The following SYT10 variants were observed in gnomAD, a reference collection of about 807,000 sequenced individuals.
SYT10 encodes synaptotagmin 10.
A neutral mutation model predicts 51.1 loss-of-function variants in SYT10; 31 were observed. The ratio of observed to expected loss-of-function variants is 0.61; its 90% CI spans 0.46 to 0.82. SYT10 has a LOEUF of 0.82. SYT10 is among the 40% of genes least tolerant of loss of function. The pLI, the probability that SYT10 is intolerant of heterozygous loss-of-function variation, is 0.00. For synonymous variants in SYT10, 233 were observed against 225.9 expected (o/e 1.03, Z -0.28); for missense variants, 603 against 634.0 (o/e 0.95, Z 0.53).
intron 2 of SYT10, among the ~76,000 whole-genome samples, chr12:33,411,796 G>A (rs1182542410): frequency 6.6e-6 from 1 of 152,166 alleles, no homozygotes; most frequent in Non-Finnish European, 1.5e-5. Context: ...GGCATGACAT[G>A]AAATGTATTT....
intron 4 of SYT10, 67 bp from the exon 5 acceptor site, chr12:33,382,587 T>C (rs1866125542): frequency 7.0e-7 from 1 of 1,419,344 alleles, no homozygotes. Context: ...AAACTGCAGT[T>C]TATTTTTACT....
chr12:33,423,299 A>G (rs772778158), intron 2 of SYT10, among the ~76,000 whole-genome samples: 8 of 150,732 alleles, frequency 5.3e-5, no homozygotes, highest in Non-Finnish European at 1.0e-4. Context: ...TTAAAGTTAA[A>G]TTCAGTGTGT....
In SYT10 at chr12:33,376,711, CAA is replaced by C; in HGVS notation, c.*117_*118del. 1 of 1,112,206 alleles carries C rather than the reference CAA, an allele frequency of 9.0e-7. No individual in the cohort carries two copies. The highest frequency in any genetic ancestry group is 1.3e-6 in the Non-Finnish European group (1 of 771,974). 68.9% of individuals were successfully genotyped at this position (1,112,206 alleles called of 1,614,324 possible). A position where few individuals can be genotyped will look rare whatever the true frequency, so the allele number is the denominator to read the frequency against. On this transcript the variant is annotated 3_prime_UTR_variant, in exon 7 of 7. Coordinates refer to ENST00000228567, the MANE Select transcript of SYT10 (RefSeq NM_198992.4). ...TAAAAGCAAATAAAAAAGTGCACAT[CAA>C]GTTTGTTCATTAGTACGGATATATT...
At chr12:33,378,250 C>T (rs560854999) in intron 6 of SYT10, among the ~76,000 whole-genome samples, 43 of 152,162 alleles carry the variant, frequency 2.8e-4, no homozygotes, top group Admixed American at 9.2e-4. Flanking sequence ...TATTCAGTTA[C>T]GACAAAAAAG....
chr12:33,418,366 T>C (rs1370602030), intron 2 of SYT10, among the ~76,000 whole-genome samples: 1 of 152,160 alleles, frequency 6.6e-6, no homozygotes, highest in East Asian at 1.9e-4. Context: ...TTCTTCTTTT[T>C]CCCATCTACT....
intron 3 of SYT10, among the ~76,000 whole-genome samples, chr12:33,391,797 A>ATTATCACCT (rs1200282588): frequency 1.2e-4 from 19 of 152,176 alleles, no homozygotes; most frequent in Non-Finnish European, 2.2e-4. Flanking sequence ...AGTGATTATC[A>ATTATCACCT]TAAGGTGAAT....
chr12:33,418,186 AC>A (rs959352338), intron 2 of SYT10, among the ~76,000 whole-genome samples: 4 of 151,868 alleles, frequency 2.6e-5, no homozygotes, highest in African/African-American at 4.8e-5. Flanking sequence ...TCCTCATCCC[AC>A]CCGGGCTTAG....
rs149849912 is a variant in SYT10 at position 33,400,761 on chromosome 12, C to T, written c.1077+6028G>A. On this transcript the variant is annotated intron_variant, in intron 3 of 6. Coordinates refer to ENST00000228567, the MANE Select transcript of SYT10 (RefSeq NM_198992.4). ...TTAGTCTTGGTCAGGTGTGGTGGCT[C>T]ACGCCTGTAATCCCAACACTTTGGG... 1.8e-3 allele frequency among the ~76,000 whole-genome samples: 275 copies of T among 152,224 alleles called. 9 individuals are homozygous for T. The East Asian group carries it at 0.046, about 26-fold the overall frequency.
chr12:33,379,092 T>C (rs1282667546), intron 6 of SYT10, among the ~76,000 whole-genome samples: 1 of 152,172 alleles, frequency 6.6e-6, no homozygotes, highest in East Asian at 1.9e-4. Flanking sequence ...TGATATTTAG[T>C]CAATGGGATA....
Position 33,407,058 on chromosome 12 carries a change from A to G in SYT10, c.808T>C (p.Tyr270His). The G allele has an allele frequency of 6.2e-7, 1 of 1,614,160 alleles. No individual in the cohort carries two copies. Among genetic ancestry groups the G allele is most frequent in the Non-Finnish European group, 8.5e-7 (1 of 1,180,016 alleles). Residue 270 changes from tyrosine (Y) to histidine (H), a missense_variant, in exon 3 of 7, where the codon TAT (tyrosine) becomes CAT (histidine). Transcript: ENST00000228567. Reference protein sequence around the residue: ...AKDFTGTSDPYVKMYLLPDRK... With the variant: ...AKDFTGTSDPHVKMYLLPDRK... ...TCTGGAAGAAGATACATCTTCACAT[A>G]AGGGTCAGAAGTTCCTGTGAAGTCT... is the stretch of plus-strand genomic sequence containing the variant.
chr12:33,433,650 T>G (rs987827683), intron 1 of SYT10, among the ~76,000 whole-genome samples: 1 of 152,288 alleles, frequency 6.6e-6, no homozygotes, highest in East Asian at 1.9e-4. Flanking sequence ...TACACATGTG[T>G]GCATAGTCAA....
intron 3 of SYT10, among the ~76,000 whole-genome samples, chr12:33,393,672 C>T (rs913045281): frequency 6.6e-6 from 1 of 152,156 alleles, no homozygotes; most frequent in Non-Finnish European, 1.5e-5. Flanking sequence ...TCAAATGTCA[C>T]TCAGAATAAA....
At position 33,389,904 on chromosome 12, in the gene SYT10, A is replaced by G. The variant is rs1037041688; in HGVS notation, c.1078-4613T>C. 2.4e-4 allele frequency among the ~76,000 whole-genome samples: 36 copies of G among 152,158 alleles called. 2 individuals are homozygous for G. The highest frequency in any genetic ancestry group is 6.5e-5 in the Admixed American group (1 of 15,274). On this transcript the variant is annotated intron_variant, in intron 3 of 6. Coordinates refer to ENST00000228567, the MANE Select transcript of SYT10 (RefSeq NM_198992.4). ...TCTATTGGACTCAAACCACTGTAAA[A>G]TGTATTTCTCCCTGACCTACACTTC...
intron 3 of SYT10, among the ~76,000 whole-genome samples, chr12:33,403,305 T>C (rs984166681): frequency 1.3e-5 from 2 of 151,332 alleles, no homozygotes; most frequent in Non-Finnish European, 2.9e-5. Context: ...CCATCTTGGT[T>C]CACTGTAGCC....
At chr12:33,412,874 T>C (rs1400060282) in intron 2 of SYT10, among the ~76,000 whole-genome samples, 1 of 152,014 alleles carries the variant, frequency 6.6e-6, no homozygotes, top group Non-Finnish European at 1.5e-5. Context: ...CTTCAGACGA[T>C]CAAACTTCTC....
intron 3 of SYT10, among the ~76,000 whole-genome samples, chr12:33,391,247 AT>A (rs1240364614): frequency 6.6e-6 from 1 of 150,620 alleles, no homozygotes; most frequent in Admixed American, 6.8e-5. Context: ...TTTTTATTTT[AT>A]TTTATTTTTT....
chr12:33,402,627 C>G (rs1266212342), intron 3 of SYT10, among the ~76,000 whole-genome samples: 2 of 152,284 alleles, frequency 1.3e-5, no homozygotes, highest in African/African-American at 4.8e-5. Flanking sequence ...ACTTTGTTCA[C>G]AGGAAGTTCT....
chr12:33,425,119 T>A lies in SYT10; in HGVS notation c.509+1019A>T, dbSNP rs543357945. Among the ~76,000 whole-genome samples the A allele has an allele frequency of 4.8e-4, 73 of 152,234 alleles. 1 individual carries two copies. Among genetic ancestry groups the A allele is most frequent in the Non-Finnish European group, 9.6e-4 (65 of 67,962 alleles). On this transcript the variant is annotated intron_variant, in intron 2 of 6. Transcript: ENST00000228567. Reference sequence around the variant, plus strand: ...ATTCTAGTAACCAATATGACCCAGTTTTTCAATTTGATAGATTTCTAAACC... The same window carrying A: ...ATTCTAGTAACCAATATGACCCAGTATTTCAATTTGATAGATTTCTAAACC...
intron 3 of SYT10, among the ~76,000 whole-genome samples, chr12:33,397,650 T>G (rs1459408029): frequency 6.6e-6 from 1 of 151,868 alleles, no homozygotes; most frequent in Non-Finnish European, 1.5e-5. Flanking sequence ...ATCTTCAGCT[T>G]CTGAGGTTTT....
Sources: gnomAD v4.1 joint callset for allele counts (sites outside exome capture counted in the v4.1 genomes callset) on GRCh38, gnomAD v4.1.1 for gene constraint, MANE v1.5 for transcripts, NCBI Gene and HGNC (gene_info 2026-07-23, HGNC 2026-07-21) for gene names.